KIDINS220: variants seen among roughly 807,000 people sequenced by gnomAD.
KIDINS220 encodes kinase D interacting substrate 220, also known as kinase D-interacting substrate of 220 kDa.
A neutral mutation model predicts 157.6 loss-of-function variants in KIDINS220; 63 were observed. The ratio of observed to expected loss-of-function variants is 0.40; its 90% CI spans 0.33 to 0.49. The LOEUF (loss-of-function observed/expected upper bound fraction) is 0.49. Ranked by LOEUF, KIDINS220 falls within the 20% of genes least tolerant of loss-of-function variation. KIDINS220 has a pLI of 0.66. For missense variants in KIDINS220, 1,772 were observed against 2,171.2 expected (o/e 0.82, Z 3.65); for synonymous variants, 732 against 783.6 (o/e 0.93, Z 1.10).
chr2:8,774,996 T>G (rs1407950169), intron 21 of KIDINS220, among the ~76,000 whole-genome samples: 1 of 152,154 alleles, frequency 6.6e-6, no homozygotes, highest in Non-Finnish European at 1.5e-5. Flanking sequence ...GAGGGTGGTA[T>G]GCCAGAAAAT....
In KIDINS220 at chr2:8,827,247, A is replaced by G. The variant is rs1463864171; in HGVS notation, c.-36-118T>C. The G allele has an allele frequency of 1.6e-5, 8 of 498,958 alleles. No homozygotes were observed. The East Asian group carries it at 1.9e-4, about 12-fold the overall frequency. The allele number at this position is 498,958 out of a possible 1,614,324, so 30.9% of individuals were successfully genotyped here. A position where few individuals can be genotyped will look rare whatever the true frequency, so the allele number is the denominator to read the frequency against. ...AGGACACCTCCAGTGGCAGAAGTGA[A>G]GATACGACTTCCCACGGCTTCCATA... is the stretch of plus-strand genomic sequence containing the variant. On this transcript the variant is annotated intron_variant, in intron 1 of 29. Transcript: ENST00000256707.
At chr2:8,778,130 TG>T (rs1338132149) in intron 20 of KIDINS220, among the ~76,000 whole-genome samples, 6 of 152,100 alleles carry the variant, frequency 3.9e-5, no homozygotes, top group Non-Finnish European at 1.5e-5. Context: ...ACAAATAAGA[TG>T]GGGAGGTCAG....
chr2:8,773,796 C>T (rs369699552), intron 21 of KIDINS220, among the ~76,000 whole-genome samples: 1 of 152,222 alleles, frequency 6.6e-6, no homozygotes, highest in East Asian at 1.9e-4. Flanking sequence ...TGACATACTT[C>T]CCACTATTCT....
Position 8,730,475 on chromosome 2 carries a change from G to C in KIDINS220, c.*245C>G. The C allele has an allele frequency of 7.6e-7, 1 of 1,318,302 alleles. No individual in the cohort carries two copies. The highest frequency in any genetic ancestry group is 9.6e-7 in the Non-Finnish European group (1 of 1,039,798). 81.7% of individuals were successfully genotyped at this position (1,318,302 alleles called of 1,614,324 possible). Reference sequence around the variant, plus strand: ...AAGTTTTATGGGGTAATGCGCCAATGAAAGGTACAGTAGTATTAGTGAGTT... The same window carrying C: ...AAGTTTTATGGGGTAATGCGCCAATCAAAGGTACAGTAGTATTAGTGAGTT... On this transcript the variant is annotated 3_prime_UTR_variant, in exon 30 of 30. Transcript: ENST00000256707.
intron 1 of KIDINS220, among the ~76,000 whole-genome samples, chr2:8,832,673 G>A (rs768257991): frequency 5.3e-5 from 8 of 151,996 alleles, no homozygotes; most frequent in Non-Finnish European, 8.8e-5. Context: ...TTAAGTCTAC[G>A]TTCATTTTCA....
intron 2 of KIDINS220, among the ~76,000 whole-genome samples, chr2:8,820,679 C>T (rs13390283): frequency 0.41 from 62,957 of 151,840 alleles, 15,064 homozygotes; most frequent in East Asian, 0.59. Flanking sequence ...TAGATTTTCT[C>T]GGTGAAAAAA....
At chr2:8,795,390 T>C (rs1248772945) in intron 11 of KIDINS220, among the ~76,000 whole-genome samples, 1 of 152,202 alleles carries the variant, frequency 6.6e-6, no homozygotes. Flanking sequence ...AAAATTCCTA[T>C]AAATGCAGGG....
rs767063957 is a variant in KIDINS220, at chr2:8,737,018, A to C, written c.3586-19T>G. The C allele has an allele frequency of 1.1e-5, 17 of 1,613,378 alleles. No homozygotes were observed. The highest frequency in any genetic ancestry group is 1.4e-5 in the Non-Finnish European group (17 of 1,179,522). On this transcript the variant is annotated intron_variant, in intron 26 of 29. Coordinates refer to ENST00000256707, the MANE Select transcript of KIDINS220 (RefSeq NM_020738.4). The stretch of plus-strand genomic sequence containing the variant: ...CTGACCCCTAGAGAAGTCAAGGAAA[A>C]ATACAGGTATGAATAAGCATTTAAT...
At chr2:8,800,305 T>A in intron 9 of KIDINS220, 95 bp downstream of exon 9, 3 of 695,262 alleles carry the variant, frequency 4.3e-6, no homozygotes, top group Non-Finnish European at 7.0e-6. Context: ...TACAAGTTTA[T>A]CTCCATAGGA....
At chr2:8,724,905 T>C (rs1302137251), downstream of KIDINS220, 1 of 152,292 alleles carries the variant, frequency 6.6e-6, no homozygotes, top group East Asian at 1.9e-4. The surrounding 1 kb of genome is among the most constrained non-coding windows in gnomAD (Gnocchi z 4.6). Flanking sequence ...GTGCTGGGAT[T>C]ATAGGCGTGA....
intron 21 of KIDINS220, among the ~76,000 whole-genome samples, chr2:8,774,293 C>A (rs1366031764): frequency 3.0e-5 from 4 of 131,900 alleles, no homozygotes; most frequent in Admixed American, 8.1e-5. Flanking sequence ...GAGACTCTGT[C>A]TCAAAAAAAA....
chr2:8,771,602 A>G (rs1670243077), intron 21 of KIDINS220, among the ~76,000 whole-genome samples: 1 of 152,178 alleles, frequency 6.6e-6, no homozygotes, highest in Non-Finnish European at 1.5e-5. Context: ...ATCATTATCT[A>G]TTTTGTTTGT....
rs376292911 is a variant in KIDINS220, at chr2:8,738,021, C to A, written c.3586-1022G>T. On this transcript the variant is annotated intron_variant, in intron 26 of 29. Transcript: ENST00000256707. ...TTCTATCTTTCAAATGCTTTTATTCCTCAACCAGTCTCCTTGCTCTGGATA... is the reference window on the plus strand; with the variant it reads ...TTCTATCTTTCAAATGCTTTTATTCATCAACCAGTCTCCTTGCTCTGGATA... Among the ~76,000 whole-genome samples the A allele has an allele frequency of 2.0e-4, 31 of 152,120 alleles. No homozygotes were observed. The East Asian group carries it at 5.0e-3, about 25-fold the overall frequency.
chr2:8,743,908 ATGTCTTGC>A (rs1356587072), intron 26 of KIDINS220, among the ~76,000 whole-genome samples: 1 of 151,964 alleles, frequency 6.6e-6, no homozygotes, highest in African/African-American at 2.4e-5. Flanking sequence ...TCTGGGAAGC[ATGTCTTGC>A]ATATAGTACT....
At chr2:8,813,358 A>C (rs758882938) in intron 4 of KIDINS220, 23 bp from the exon 5 acceptor site, 31 of 1,515,024 alleles carry the variant, frequency 2.0e-5, no homozygotes, top group Non-Finnish European at 2.8e-5. Flanking sequence ...TGTAGGGGTA[A>C]GGGAATCAAA....
chr2:8,737,100 T>A, intron 26 of KIDINS220, 101 bp from the exon 27 acceptor site: 4 of 1,143,428 alleles, frequency 3.5e-6, no homozygotes, highest in Non-Finnish European at 3.7e-6. Context: ...TACCATGAAG[T>A]AAAGTAAAAA....
At position 8,747,157 on chromosome 2, in the gene KIDINS220, T is replaced by C. The variant is rs757781059; in HGVS notation, c.3573A>G (p.Thr1191=). Residue 1191 remains threonine (T), a synonymous_variant, in exon 26 of 30, where the codon ACA becomes ACG. Coordinates refer to ENST00000256707, the MANE Select transcript of KIDINS220 (RefSeq NM_020738.4). ...ACTACTCCATTACCCTCGAGGAGTC[T>C]GTGGGTGAAGAAAGCCCCTCAGCAG... is the stretch of plus-strand genomic sequence containing the variant. ...EDAAEGLSSP[T]DSSRGSGPAP... is the part of the protein sequence containing the mutation. 1 of 1,614,022 alleles carries C rather than the reference T, an allele frequency of 6.2e-7. No homozygotes were observed.
Position 8,779,097 on chromosome 2 carries a change from C to T in KIDINS220, c.2413G>A (p.Ala805Thr), listed in dbSNP as rs754139859. The part of the protein sequence containing the change: ...FSKGPFIAIF[A>T]SDPHIIIKAI... Reference sequence around the variant, plus strand: ...TTTATGATAATATGTGGATCACTTGCAAAAATGGCAATGAACGGGCCTTTT... The same window carrying T: ...TTTATGATAATATGTGGATCACTTGTAAAAATGGCAATGAACGGGCCTTTT... The change falls in exon 19 of 30, where the codon GCA becomes ACA. Residue 805 changes from alanine to threonine, a missense_variant. By Grantham distance (58) the Ala-to-Thr change is moderately conservative. This residue lies in a region of KIDINS220 where 725 missense variants were observed against 1,017.1 expected (regional missense o/e 0.71). Transcript: ENST00000256707. 5 of 1,613,888 alleles carry T rather than the reference C, an allele frequency of 3.1e-6. No homozygotes were observed. In the Middle Eastern group the frequency reaches 6.6e-4, roughly 213 times the overall value.
chr2:8,736,817 G>C, intron 27 of KIDINS220, 51 bp downstream of exon 27: 1 of 1,604,348 alleles, frequency 6.2e-7, no homozygotes, highest in Non-Finnish European at 8.5e-7. Context: ...ACACAGTCCT[G>C]TCTTCCGCCC....
Sources: gnomAD v4.1 joint callset for allele counts (sites outside exome capture counted in the v4.1 genomes callset) on GRCh38, gnomAD v4.1.1 for gene constraint, gnomAD v4.1.1 regional missense constraint, Gnocchi (gnomAD v3.1) non-coding constraint, MANE v1.5 for transcripts, NCBI Gene and HGNC (gene_info 2026-07-23, HGNC 2026-07-21) for gene names.